Variants in RIPOR2 observed in about 807,000 individuals in gnomAD.
The protein encoded by RIPOR2 is rho family-interacting cell polarization regulator 2.
A neutral mutation model predicts 114.5 loss-of-function variants in RIPOR2; 39 were observed. The ratio of observed to expected loss-of-function variants is 0.34; its 90% CI spans 0.26 to 0.44. The LOEUF (loss-of-function observed/expected upper bound fraction) is 0.44. Among genes scored for constraint, RIPOR2 ranks in the 20% least tolerant of loss-of-function variants. The pLI is 1.00. For synonymous variants in RIPOR2, 445 were observed against 484.4 expected (o/e 0.92, Z 1.07); for missense variants, 1,007 against 1,255.1 (o/e 0.80, Z 2.99).
At chr6:24,928,305 A>G (rs1771116208) in intron 1 of RIPOR2, among the ~76,000 whole-genome samples, 1 of 152,196 alleles carries the variant, frequency 6.6e-6, no homozygotes, top group African/African-American at 2.4e-5. Flanking sequence ...TACAAATCAT[A>G]TCTGCTTATT....
intron 1 of RIPOR2, among the ~76,000 whole-genome samples, chr6:24,890,682 TCTTA>T (rs895330494): frequency 6.6e-6 from 1 of 151,332 alleles, no homozygotes; most frequent in African/African-American, 2.4e-5. Flanking sequence ...AGAGACAAGG[TCTTA>T]CTGTGTTGCC....
intron 1 of RIPOR2, among the ~76,000 whole-genome samples, chr6:24,952,624 G>C (rs1043341252): frequency 1.3e-5 from 2 of 152,144 alleles, no homozygotes; most frequent in Non-Finnish European, 2.9e-5. Context: ...GAGCTGATGA[G>C]TATTGAGTAT....
At chr6:24,896,101 G>A (rs1767846641) in intron 1 of RIPOR2, among the ~76,000 whole-genome samples, 1 of 152,220 alleles carries the variant, frequency 6.6e-6, no homozygotes, top group African/African-American at 2.4e-5. Context: ...GTTGTCATCT[G>A]TTCCTGTGTT....
intron 1 of RIPOR2, among the ~76,000 whole-genome samples, chr6:24,959,679 A>G (rs546006716): frequency 1.3e-5 from 2 of 152,294 alleles, no homozygotes; most frequent in South Asian, 4.1e-4. Context: ...AAAGCAAACT[A>G]ACTGCTTGGT....
Position 24,849,849 on chromosome 6 carries a change from G to A in RIPOR2, c.987C>T (p.Asp329=). ...GTTTGATGGTACCAAGGTCATTGATGTCGACAGCCACTACCTGAGGTCGGG... is the reference window on the plus strand; with the variant it reads ...GTTTGATGGTACCAAGGTCATTGATATCGACAGCCACTACCTGAGGTCGGG... ...FAARPQVVAV[D]INDLGTIKLN... Residue 329 remains aspartate (D), a synonymous_variant, in exon 11 of 22, where the codon GAC becomes GAT. Transcript: ENST00000643898. 6.2e-7 allele frequency: 1 copy of A among 1,613,920 alleles called. No individual in the cohort carries two copies. Among genetic ancestry groups the A allele is most frequent in the Non-Finnish European group, 8.5e-7 (1 of 1,179,822 alleles).
chr6:24,983,219 TAC>T (rs1561825034), intron 1 of RIPOR2, among the ~76,000 whole-genome samples: 3 of 130,268 alleles, frequency 2.3e-5, no homozygotes, highest in Non-Finnish European at 3.5e-5. Flanking sequence ...CACACACACA[TAC>T]ATATATACAC....
At chr6:24,990,281 C>T (rs993923921) in intron 1 of RIPOR2, among the ~76,000 whole-genome samples, 1 of 152,142 alleles carries the variant, frequency 6.6e-6, no homozygotes, top group African/African-American at 2.4e-5. Flanking sequence ...AAGGACAAGA[C>T]CAAATCAACT....
intron 8 of RIPOR2, among the ~76,000 whole-genome samples, chr6:24,859,205 C>T (rs191783298): frequency 1.2e-3 from 179 of 152,220 alleles, no homozygotes; most frequent in Non-Finnish European, 1.9e-3. Context: ...AAAATAGATG[C>T]ACTTGATAAT....
At chr6:24,884,409 A>AAAAAT (rs1400779171) in intron 1 of RIPOR2, among the ~76,000 whole-genome samples, 1 of 152,238 alleles carries the variant, frequency 6.6e-6, no homozygotes, top group East Asian at 1.9e-4. Flanking sequence ...ACTCCATCTC[A>AAAAAT]AAAATAAAAT....
At chr6:24,896,821 T>G (rs1022365038) in intron 1 of RIPOR2, among the ~76,000 whole-genome samples, 2 of 152,204 alleles carry the variant, frequency 1.3e-5, no homozygotes, top group African/African-American at 4.8e-5. Flanking sequence ...AAGAATCACT[T>G]GAACCCGGGA....
At chr6:24,957,539 A>G (rs1773090706) in intron 1 of RIPOR2, among the ~76,000 whole-genome samples, 2 of 152,170 alleles carry the variant, frequency 1.3e-5, no homozygotes, top group Admixed American at 1.3e-4. Context: ...GGGAGTCAGG[A>G]AAGACTTTTG....
chr6:24,906,887 C>A (rs950889827), intron 1 of RIPOR2, among the ~76,000 whole-genome samples: 3 of 152,154 alleles, frequency 2.0e-5, no homozygotes, highest in Non-Finnish European at 4.4e-5. Context: ...GATCTTCCCA[C>A]CTTAGCCTTC....
chr6:24,973,321 G>A (rs1435632992), intron 1 of RIPOR2, among the ~76,000 whole-genome samples: 1 of 152,050 alleles, frequency 6.6e-6, no homozygotes, highest in South Asian at 2.1e-4. Flanking sequence ...CATCCTTCTA[G>A]GCTGGGCTTG....
intron 1 of RIPOR2, among the ~76,000 whole-genome samples, chr6:24,921,359 T>A (rs1770469083): frequency 6.6e-6 from 1 of 151,918 alleles, no homozygotes; most frequent in Admixed American, 6.6e-5. Context: ...AGACGCTGTT[T>A]CACTATGTTG....
chr6:24,860,431 C>G (rs1431602800), intron 8 of RIPOR2, among the ~76,000 whole-genome samples: 1 of 152,116 alleles, frequency 6.6e-6, no homozygotes, highest in African/African-American at 2.4e-5. Flanking sequence ...TTGAACTAAT[C>G]AAATGTACAA....
At chr6:24,923,419 A>G (rs1770645946) in intron 1 of RIPOR2, among the ~76,000 whole-genome samples, 2 of 152,138 alleles carry the variant, frequency 1.3e-5, no homozygotes, top group African/African-American at 2.4e-5. Context: ...TGGCAATTCT[A>G]TTTTTAATTT....
chr6:24,841,798 T>C (rs901951551), intron 13 of RIPOR2, among the ~76,000 whole-genome samples: 1 of 151,576 alleles, frequency 6.6e-6, no homozygotes, highest in Non-Finnish European at 1.5e-5. Flanking sequence ...TTGTATTTTT[T>C]GTAGAGATGG....
intron 1 of RIPOR2, among the ~76,000 whole-genome samples, chr6:24,892,259 A>G (rs1207992029): frequency 6.6e-6 from 1 of 152,006 alleles, no homozygotes; most frequent in Non-Finnish European, 1.5e-5. Context: ...TCTTGTTTGT[A>G]CCCGATAGAT....
At chr6:24,842,619 A>T (rs1761832670) in intron 13 of RIPOR2, among the ~76,000 whole-genome samples, 1 of 152,188 alleles carries the variant, frequency 6.6e-6, no homozygotes, top group Non-Finnish European at 1.5e-5. Context: ...GACTGGGGGA[A>T]TTTCAACATT....
Sources: gnomAD v4.1 joint callset for allele counts (sites outside exome capture counted in the v4.1 genomes callset) on GRCh38, gnomAD v4.1.1 for gene constraint, MANE v1.5 for transcripts, NCBI Gene and HGNC (gene_info 2026-07-23, HGNC 2026-07-21) for gene names.